The following SRGAP1 variants were observed in gnomAD, a reference collection of about 807,000 sequenced individuals.
SRGAP1 encodes the protein SLIT-ROBO Rho GTPase activating protein 1, also known as SLIT-ROBO Rho GTPase-activating protein 1.
A neutral mutation model predicts 121.9 loss-of-function variants in SRGAP1; 43 were observed. The ratio of observed to expected loss-of-function variants is 0.35; its 90% CI spans 0.28 to 0.46. The LOEUF (loss-of-function observed/expected upper bound fraction) is 0.46, where lower values mean the gene tolerates loss of function less well. Among genes scored for constraint, SRGAP1 ranks in the 20% least tolerant of loss-of-function variants. SRGAP1 has a pLI of 1.00. For synonymous variants in SRGAP1, 447 were observed against 485.4 expected (o/e 0.92, Z 1.04); for missense variants, 1,102 against 1,350.9 (o/e 0.82, Z 2.89).
At chr12:63,850,710 A>G (rs1352205404) in intron 1 of SRGAP1, among the ~76,000 whole-genome samples, 2 of 150,794 alleles carry the variant, frequency 1.3e-5, no homozygotes, top group Non-Finnish European at 2.9e-5. Context: ...GGCATGAGCC[A>G]CCATGCCCGG....
At chr12:64,110,448 T>C (rs2036414531) in intron 16 of SRGAP1, among the ~76,000 whole-genome samples, 1 of 152,248 alleles carries the variant, frequency 6.6e-6, no homozygotes, top group South Asian at 2.1e-4. Context: ...TGGTTGCACC[T>C]GCCTTCATGC....
At chr12:63,846,419 G>A (rs74420055) in intron 1 of SRGAP1, among the ~76,000 whole-genome samples, 11,607 of 152,050 alleles carry the variant, frequency 0.076, 519 homozygotes, top group East Asian at 0.15. Context: ...AAGGGGTGGC[G>A]GTCTGGTTTT....
intron 6 of SRGAP1, among the ~76,000 whole-genome samples, chr12:64,062,209 T>A (rs2035462869): frequency 6.6e-6 from 1 of 152,182 alleles, no homozygotes; most frequent in African/African-American, 2.4e-5. Flanking sequence ...TCTTATTGAT[T>A]GCAGCCATCC....
At chr12:64,059,419 T>G (rs1180332330) in intron 6 of SRGAP1, among the ~76,000 whole-genome samples, 2 of 152,112 alleles carry the variant, frequency 1.3e-5, no homozygotes, top group African/African-American at 2.4e-5. Flanking sequence ...TTTAAGAGAT[T>G]TGGGGGTTTT....
intron 1 of SRGAP1, among the ~76,000 whole-genome samples, chr12:63,932,029 T>C (rs2031494138): frequency 6.6e-6 from 1 of 152,162 alleles, no homozygotes; most frequent in Non-Finnish European, 1.5e-5. Flanking sequence ...TCCATGTGAT[T>C]TAACTGAAAG....
chr12:64,095,007 A>G lies in SRGAP1; in HGVS notation c.1600+15A>G, dbSNP rs766415315. 10 of 1,613,380 alleles carry G rather than the reference A, an allele frequency of 6.2e-6. No homozygotes were observed. In the South Asian group the frequency reaches 8.8e-5, roughly 14 times the overall value. On this transcript the variant is annotated intron_variant, in intron 13 of 21. Transcript: ENST00000355086. ...CAATCTCTATGGTAAGCCATAAACT[A>G]CAGAATTCTTATTTTTTAAAAAATC...
chr12:63,860,280 G>A (rs975043528), intron 1 of SRGAP1, among the ~76,000 whole-genome samples: 1 of 152,102 alleles, frequency 6.6e-6, no homozygotes, highest in African/African-American at 2.4e-5. Context: ...CAAAGTGCTG[G>A]GATTACAGGT....
At chr12:63,880,447 T>A (rs1177812372) in intron 1 of SRGAP1, among the ~76,000 whole-genome samples, 1 of 152,102 alleles carries the variant, frequency 6.6e-6, no homozygotes, top group African/African-American at 2.4e-5. Flanking sequence ...GCCAGGCTGC[T>A]CTCAAACTCC....
rs781701925 is a variant in SRGAP1 at position 63,855,473 on chromosome 12, G to GTTTTTTTTTTTTTTT, written c.67+10608_67+10622dup. On this transcript the variant is annotated intron_variant, in intron 1 of 21. Coordinates refer to ENST00000355086, the MANE Select transcript of SRGAP1 (RefSeq NM_020762.4). ...AGCAGCAGTCAACATGAAAAATGGT[G>GTTTTTTTTTTTTTTT]TTTTTTTTTTTTTTTTTTTTTTTTT... Among the ~76,000 whole-genome samples the GTTTTTTTTTTTTTTT allele has an allele frequency of 3.8e-5, 2 of 52,898 alleles. 1 individual carries two copies. Among genetic ancestry groups the GTTTTTTTTTTTTTTT allele is most frequent in the African/African-American group, 1.4e-4 (2 of 14,000 alleles). 34.7% of individuals were successfully genotyped at this position (52,898 alleles called of 152,430 possible).
At chr12:63,859,819 G>A (rs1369983869) in intron 1 of SRGAP1, among the ~76,000 whole-genome samples, 4 of 151,980 alleles carry the variant, frequency 2.6e-5, no homozygotes, top group African/African-American at 9.7e-5. Flanking sequence ...TTCTTCTAAT[G>A]TAAGCGTTAA....
intron 1 of SRGAP1, among the ~76,000 whole-genome samples, chr12:63,854,350 G>A (rs745675773): frequency 2.6e-4 from 39 of 152,128 alleles, no homozygotes; most frequent in Non-Finnish European, 4.4e-4. Context: ...ATGAATTGGT[G>A]TAAATTTTAA....
At chr12:63,928,663 G>T (rs772206629) in intron 1 of SRGAP1, among the ~76,000 whole-genome samples, 6 of 152,112 alleles carry the variant, frequency 3.9e-5, no homozygotes, top group Admixed American at 6.6e-5. Context: ...TGGGGGTGGG[G>T]GCGGTGGTGG....
At chr12:63,935,917 T>G (rs749577263) in intron 1 of SRGAP1, among the ~76,000 whole-genome samples, 1 of 152,100 alleles carries the variant, frequency 6.6e-6, no homozygotes, top group African/African-American at 2.4e-5. Flanking sequence ...TCCAGGAACA[T>G]TTATACCCAA....
rs572217676 is a variant in SRGAP1, at chr12:64,108,271, G to A, written c.1814-661G>A. ...AGAGGTAGCATAACACTAGTCTCAG[G>A]TAATCCTGTCTTGGGGGAGCTCACC... On this transcript the variant is annotated intron_variant, in intron 15 of 21. Coordinates refer to ENST00000355086, the MANE Select transcript of SRGAP1 (RefSeq NM_020762.4). Among the ~76,000 whole-genome samples the A allele has an allele frequency of 1.1e-3, 162 of 152,214 alleles. 4 individuals carry two copies. The South Asian group carries it at 0.033, about 31-fold the overall frequency.
chr12:63,922,946 C>T (rs1437498975), intron 1 of SRGAP1, among the ~76,000 whole-genome samples: 1 of 152,218 alleles, frequency 6.6e-6, no homozygotes, highest in Non-Finnish European at 1.5e-5. Flanking sequence ...CCATAACCCA[C>T]AGGCTAACTA....
chr12:64,147,396 AG>A lies in SRGAP1; in HGVS notation c.*4725del, dbSNP rs1288790307. 2 of 103,576 alleles carry A rather than the reference AG, an allele frequency of 1.9e-5. No individual in the cohort carries two copies. Among genetic ancestry groups the A allele is most frequent in the African/African-American group, 8.2e-5 (2 of 24,528 alleles). 6.4% of individuals were successfully genotyped at this position (103,576 alleles called of 1,614,324 possible). ...CCTCCCAATTCCTGCTGCCCACTCG[AG>A]TGTTTCGAAGCTTCCTCCCTGTCCC... On this transcript the variant is annotated 3_prime_UTR_variant, in exon 22 of 22. Transcript: ENST00000355086.
At chr12:63,968,894 A>T (rs2032857112) in intron 1 of SRGAP1, among the ~76,000 whole-genome samples, 1 of 152,154 alleles carries the variant, frequency 6.6e-6, no homozygotes, top group South Asian at 2.1e-4. Flanking sequence ...CATCCAATGG[A>T]GTGGCAGAGG....
chr12:64,024,118 T>G (rs1428554620), intron 4 of SRGAP1, among the ~76,000 whole-genome samples: 1 of 152,206 alleles, frequency 6.6e-6, no homozygotes, highest in Non-Finnish European at 1.5e-5. Flanking sequence ...CCCAAATGAC[T>G]TCGTGTAATC....
intron 1 of SRGAP1, among the ~76,000 whole-genome samples, chr12:63,900,883 A>G (rs2029895530): frequency 6.6e-6 from 1 of 152,218 alleles, no homozygotes; most frequent in African/African-American, 2.4e-5. Flanking sequence ...AAAACAATGT[A>G]TGCTAAAGAA....
Sources: gnomAD v4.1 joint callset for allele counts (sites outside exome capture counted in the v4.1 genomes callset) on GRCh38, gnomAD v4.1.1 for gene constraint, MANE v1.5 for transcripts, NCBI Gene and HGNC (gene_info 2026-07-23, HGNC 2026-07-21) for gene names.